The following ST6GALNAC5 variants were observed in gnomAD, a reference collection of about 807,000 sequenced individuals.
ST6GALNAC5 encodes ST6 N-acetylgalactosaminide alpha-2,6-sialyltransferase 5, also known as alpha-N-acetylgalactosaminide alpha-2,6-sialyltransferase 5.
ST6GALNAC5 carries 27 observed loss-of-function variants against 33.6 expected under a neutral mutation model. The ratio of observed to expected loss-of-function variants is 0.80; its 90% CI spans 0.59 to 1.11. ST6GALNAC5 has a LOEUF of 1.11. Among genes scored for constraint, ST6GALNAC5 ranks in the 50% least tolerant of loss-of-function variants. The pLI is 0.00. For missense variants in ST6GALNAC5, 428 were observed against 454.0 expected, an observed-to-expected ratio of 0.94 and a Z score of 0.52; for synonymous variants, 194 against 171.2, an observed-to-expected ratio of 1.13 and a Z score of -1.04.
chr1:76,940,561 C>G (rs1295578775), intron 2 of ST6GALNAC5, among the ~76,000 whole-genome samples: 3 of 151,936 alleles, frequency 2.0e-5, no homozygotes, highest in African/African-American at 7.2e-5. Flanking sequence ...GTATGGCTCC[C>G]TCAGGATGAT....
At chr1:76,908,321 C>T (rs544228324) in intron 2 of ST6GALNAC5, among the ~76,000 whole-genome samples, 12 of 152,246 alleles carry the variant, frequency 7.9e-5, no homozygotes, top group African/African-American at 2.9e-4. Flanking sequence ...ATGGGGGCTT[C>T]TCACTATGTC....
chr1:77,030,547 G>C (rs566529073), intron 2 of ST6GALNAC5, among the ~76,000 whole-genome samples: 1 of 152,282 alleles, frequency 6.6e-6, no homozygotes, highest in South Asian at 2.1e-4. Flanking sequence ...TAGGACTCCA[G>C]GGAGTTGGAA....
chr1:77,002,055 A>G (rs1337986997), intron 2 of ST6GALNAC5, among the ~76,000 whole-genome samples: 1 of 152,108 alleles, frequency 6.6e-6, no homozygotes, highest in Non-Finnish European at 1.5e-5. Flanking sequence ...GAATAGTTTC[A>G]GAAGGAATGG....
intron 2 of ST6GALNAC5, among the ~76,000 whole-genome samples, chr1:77,023,486 G>A (rs1176666172): frequency 6.6e-6 from 1 of 152,128 alleles, no homozygotes; most frequent in Non-Finnish European, 1.5e-5. Context: ...TTCCCACTGA[G>A]AGGCAGGCAG....
Position 77,066,063 on chromosome 1 carries a change from G to T in ST6GALNAC5, c.*2857G>T, listed in dbSNP as rs1652768640. The stretch of plus-strand genomic sequence containing the variant: ...TCACCCAAGAAAGCATACATTAAAA[G>T]AACATTAGGAGGTAAATATTCAGCA... On this transcript the variant is annotated 3_prime_UTR_variant, in exon 5 of 5. Coordinates refer to ENST00000477717, the MANE Select transcript of ST6GALNAC5 (RefSeq NM_030965.3). 6.6e-6 allele frequency among the ~76,000 whole-genome samples: 1 copy of T among 152,158 alleles called. No individual in the cohort carries two copies. The highest frequency in any genetic ancestry group is 1.5e-5 in the Non-Finnish European group (1 of 68,026).
intron 2 of ST6GALNAC5, among the ~76,000 whole-genome samples, chr1:76,952,035 C>T (rs2100338866): frequency 6.6e-6 from 1 of 152,208 alleles, no homozygotes; most frequent in African/African-American, 2.4e-5. Flanking sequence ...ACTATTTTTC[C>T]AGTTTTGTGC....
At chr1:77,002,798 GT>G (rs1243716912) in intron 2 of ST6GALNAC5, among the ~76,000 whole-genome samples, 1 of 149,622 alleles carries the variant, frequency 6.7e-6, no homozygotes, top group Non-Finnish European at 1.5e-5. Context: ...TAGTTGAGTG[GT>G]TTTGAGTGAG....
chr1:76,897,872 A>G (rs1038761490), intron 2 of ST6GALNAC5, among the ~76,000 whole-genome samples: 12 of 152,196 alleles, frequency 7.9e-5, no homozygotes, highest in East Asian at 1.9e-4. Context: ...CAACAGTTAT[A>G]GAGGCAAGGG....
chr1:77,011,530 A>G (rs10782639), intron 2 of ST6GALNAC5, among the ~76,000 whole-genome samples: 33,716 of 152,126 alleles, frequency 0.22, 3,782 homozygotes, highest in Middle Eastern at 0.28. Context: ...CTTGAGCACA[A>G]TCTCCCATTG....
chr1:77,004,748 C>T (rs1650324807), intron 2 of ST6GALNAC5, among the ~76,000 whole-genome samples: 1 of 124,244 alleles, frequency 8.0e-6, no homozygotes, highest in Admixed American at 8.1e-5. Context: ...GAATACCCTG[C>T]CGTGTGAGGT....
At chr1:76,985,286 T>A (rs556066207) in intron 2 of ST6GALNAC5, among the ~76,000 whole-genome samples, 1 of 152,194 alleles carries the variant, frequency 6.6e-6, no homozygotes, top group African/African-American at 2.4e-5. Context: ...AGCCCAAATC[T>A]CCTTAAGCTG....
chr1:77,030,573 A>C (rs1651414390), intron 2 of ST6GALNAC5, among the ~76,000 whole-genome samples: 1 of 152,218 alleles, frequency 6.6e-6, no homozygotes, highest in African/African-American at 2.4e-5. Flanking sequence ...ACATGAACAG[A>C]GGAATAGCTA....
At chr1:76,984,406 A>C (rs957905405) in intron 2 of ST6GALNAC5, among the ~76,000 whole-genome samples, 2 of 152,236 alleles carry the variant, frequency 1.3e-5, no homozygotes, top group African/African-American at 4.8e-5. Context: ...AATAAACTGG[A>C]AAGTCTAGAA....
chr1:76,883,470 CTATT>C (rs935831961), intron 2 of ST6GALNAC5, among the ~76,000 whole-genome samples: 1 of 152,198 alleles, frequency 6.6e-6, no homozygotes, highest in Non-Finnish European at 1.5e-5. Context: ...GGCTAATAGA[CTATT>C]AATTATAGGA....
chr1:76,943,790 C>T (rs1188844566), intron 2 of ST6GALNAC5, among the ~76,000 whole-genome samples: 1 of 152,038 alleles, frequency 6.6e-6, no homozygotes, highest in Non-Finnish European at 1.5e-5. Context: ...GCATACTTTG[C>T]ACTTTTAATT....
At chr1:76,910,437 A>G (rs757926843) in intron 2 of ST6GALNAC5, among the ~76,000 whole-genome samples, 14 of 152,036 alleles carry the variant, frequency 9.2e-5, no homozygotes, top group Non-Finnish European at 1.0e-4. Context: ...AAAGCGTTTT[A>G]GCTGTCTAAA....
rs1650172942 is a variant in ST6GALNAC5, at chr1:77,001,687, T to G, written c.262-42517T>G. The stretch of plus-strand genomic sequence containing the variant: ...CCATCAATACCTAATTTATTGAGAG[T>G]TTTTAGCATGAAGGGTTGTTGAATT... On this transcript the variant is annotated intron_variant, in intron 2 of 4. Coordinates refer to ENST00000477717, the MANE Select transcript of ST6GALNAC5 (RefSeq NM_030965.3). 2.0e-5 allele frequency among the ~76,000 whole-genome samples: 3 copies of G among 151,408 alleles called. No individual in the cohort carries two copies. The South Asian group carries it at 6.3e-4, about 32-fold the overall frequency.
At chr1:76,961,089 T>C (rs1648218873) in intron 2 of ST6GALNAC5, among the ~76,000 whole-genome samples, 2 of 152,150 alleles carry the variant, frequency 1.3e-5, no homozygotes, top group South Asian at 4.1e-4. Flanking sequence ...GAGACAGGCA[T>C]AAGAAATTAT....
chr1:76,914,842 G>A (rs1189904408), intron 2 of ST6GALNAC5, among the ~76,000 whole-genome samples: 1 of 152,084 alleles, frequency 6.6e-6, no homozygotes, highest in African/African-American at 2.4e-5. Context: ...TTGACAAATG[G>A]GATCTAATTA....
Sources: gnomAD v4.1 joint callset for allele counts (sites outside exome capture counted in the v4.1 genomes callset) on GRCh38, gnomAD v4.1.1 for gene constraint, MANE v1.5 for transcripts, NCBI Gene and HGNC (gene_info 2026-07-23, HGNC 2026-07-21) for gene names.